HELZ: variants seen among roughly 807,000 people sequenced by gnomAD.
HELZ encodes the protein ATP-dependent RNA helicase with zinc finger domain.
In HELZ, 23 loss-of-function variants were observed where a neutral mutation model predicts 218.2. That is an observed-to-expected ratio of 0.11 (90% CI 0.08 to 0.15). The LOEUF (loss-of-function observed/expected upper bound fraction) is 0.15. HELZ is among the 10% of genes least tolerant of loss of function. The pLI is 1.00. For missense variants in HELZ, 1,813 were observed against 2,353.7 expected, an observed-to-expected ratio of 0.77 and a Z score of 4.75; for synonymous variants, 814 against 829.4, an observed-to-expected ratio of 0.98 and a Z score of 0.32.
At chr17:67,244,038 T>A (rs900930627) in intron 1 of HELZ, 199 bp from the exon 2 acceptor site, 2 of 951,662 alleles carry the variant, frequency 2.1e-6, no homozygotes, top group African/African-American at 3.5e-5. Context: ...AAAGAATAGA[T>A]TATACAATGC....
In HELZ at chr17:67,078,368, T is replaced by C; in HGVS notation, c.5713A>G (p.Lys1905Glu). The change falls in exon 33 of 33, where the codon AAG becomes GAG. Residue 1905 changes from lysine to glutamate, a missense_variant. Transcript: ENST00000358691. Reference sequence around the variant, plus strand: ...GCCTGCTCAGGAGGGGGCCTGGGCTTTGGAGGGGCCCGCAGAGCGCTGGCA... The same window carrying C: ...GCCTGCTCAGGAGGGGGCCTGGGCTCTGGAGGGGCCCGCAGAGCGCTGGCA... The part of the protein sequence containing the change: ...SYASALRAPP[K>E]PRPPPEQAKK... The C allele has an allele frequency of 1.9e-6, 3 of 1,612,088 alleles. No homozygotes were observed. The highest frequency in any genetic ancestry group is 1.7e-6 in the Non-Finnish European group (2 of 1,179,382).
At chr17:67,196,131 C>A (rs564290589) in intron 7 of HELZ, among the ~76,000 whole-genome samples, 1 of 152,068 alleles carries the variant, frequency 6.6e-6, no homozygotes, top group South Asian at 2.1e-4. Context: ...GAATTATAGG[C>A]GTGAGCCACC....
intron 17 of HELZ, among the ~76,000 whole-genome samples, chr17:67,153,735 A>G (rs1367931280): frequency 6.6e-6 from 1 of 152,266 alleles, no homozygotes; most frequent in Admixed American, 6.5e-5. Context: ...ACACTCAGTT[A>G]ATATTCAATG....
At chr17:67,084,808 A>G (rs1188636339) in intron 32 of HELZ, among the ~76,000 whole-genome samples, 2 of 152,176 alleles carry the variant, frequency 1.3e-5, no homozygotes, top group African/African-American at 4.8e-5. Flanking sequence ...ATATGATAAC[A>G]TGAGTGAGTG....
At chr17:67,207,477 C>T (rs2040336722) in intron 5 of HELZ, among the ~76,000 whole-genome samples, 1 of 151,970 alleles carries the variant, frequency 6.6e-6, no homozygotes. Context: ...ACCTCAGTCT[C>T]CCCAAGAGCT....
intron 15 of HELZ, among the ~76,000 whole-genome samples, chr17:67,163,469 G>A (rs1483517978): frequency 6.6e-6 from 1 of 152,026 alleles, no homozygotes; most frequent in East Asian, 1.9e-4. Flanking sequence ...CGCGATCTCG[G>A]TTCACTGCAA....
chr17:67,175,433 AAATTC>A (rs145883643), intron 13 of HELZ, among the ~76,000 whole-genome samples: 18 of 152,360 alleles, frequency 1.2e-4, no homozygotes, highest in African/African-American at 4.1e-4. Context: ...AATGTAAATT[AAATTC>A]AAGGCAACAT....
intron 31 of HELZ, among the ~76,000 whole-genome samples, chr17:67,089,700 G>A (rs558282080): frequency 9.9e-5 from 13 of 131,682 alleles, no homozygotes; most frequent in Admixed American, 4.6e-4. Context: ...GAGAGAGAGA[G>A]ACAGAGAGAC....
At chr17:67,242,461 CACACATATAT>C (rs1014887780) in intron 2 of HELZ, among the ~76,000 whole-genome samples, 8 of 148,384 alleles carry the variant, frequency 5.4e-5, no homozygotes, top group Non-Finnish European at 1.0e-4. Context: ...TACATAGATA[CACACATATAT>C]ACACATATAT....
chr17:67,181,875 C>G (rs1256400009), intron 12 of HELZ, among the ~76,000 whole-genome samples: 1 of 152,156 alleles, frequency 6.6e-6, no homozygotes, highest in Non-Finnish European at 1.5e-5. Context: ...GTCAAACTTC[C>G]AGCTCCATTC....
chr17:67,190,671 T>TATA (rs1217493203), intron 9 of HELZ, among the ~76,000 whole-genome samples: 1 of 152,186 alleles, frequency 6.6e-6, no homozygotes. Context: ...GGACTCTTAC[T>TATA]AGACAATTCC....
chr17:67,106,226 A>G (rs138952601), intron 31 of HELZ, among the ~76,000 whole-genome samples: 1 of 151,846 alleles, frequency 6.6e-6, no homozygotes, highest in African/African-American at 2.4e-5. Context: ...TGGAAGTTTT[A>G]TAACCTGGAA....
At chr17:67,241,964 G>T (rs1793812968) in intron 2 of HELZ, among the ~76,000 whole-genome samples, 1 of 152,202 alleles carries the variant, frequency 6.6e-6, no homozygotes, top group African/African-American at 2.4e-5. Flanking sequence ...ACATGTGTGA[G>T]AACTGTGGAA....
chr17:67,197,403 T>C (rs2040058938), intron 7 of HELZ, among the ~76,000 whole-genome samples: 1 of 152,196 alleles, frequency 6.6e-6, no homozygotes, highest in African/African-American at 2.4e-5. Context: ...AACAGACTAA[T>C]ATACTTAGCT....
At chr17:67,207,210 CCTTTTT>C (rs1567891742) in intron 5 of HELZ, among the ~76,000 whole-genome samples, 1 of 125,270 alleles carries the variant, frequency 8.0e-6, no homozygotes, top group African/African-American at 3.3e-5. Flanking sequence ...CCACGCCCGG[CCTTTTT>C]TTTTTTTTTT....
intron 7 of HELZ, among the ~76,000 whole-genome samples, chr17:67,197,565 C>A (rs2040064099): frequency 6.6e-6 from 1 of 152,150 alleles, no homozygotes; most frequent in African/African-American, 2.4e-5. Flanking sequence ...GACTGACCTG[C>A]CAGATTGCTT....
At chr17:67,182,444 C>CA (rs373672197) in intron 12 of HELZ, among the ~76,000 whole-genome samples, 38 of 151,312 alleles carry the variant, frequency 2.5e-4, no homozygotes, top group Non-Finnish European at 4.3e-4. Context: ...GACTCAGTAT[C>CA]AAAAAAAACA....
intron 21 of HELZ, among the ~76,000 whole-genome samples, chr17:67,142,809 T>C (rs190384740): frequency 3.9e-5 from 6 of 152,222 alleles, no homozygotes; most frequent in Admixed American, 3.9e-4. Flanking sequence ...CAGGCTACAG[T>C]GCGGTGGCAC....
intron 5 of HELZ, among the ~76,000 whole-genome samples, chr17:67,212,481 T>C (rs755691951): frequency 4.6e-5 from 7 of 152,072 alleles, no homozygotes; most frequent in Non-Finnish European, 1.0e-4. Flanking sequence ...TTTTTATTAC[T>C]GTCTAACCAT....
Sources: gnomAD v4.1 joint callset for allele counts (sites outside exome capture counted in the v4.1 genomes callset) on GRCh38, gnomAD v4.1.1 for gene constraint, MANE v1.5 for transcripts, NCBI Gene and HGNC (gene_info 2026-07-23, HGNC 2026-07-21) for gene names.